VCF1: variants seen among roughly 807,000 people sequenced by gnomAD.
VCF1 encodes the protein VCP nuclear cofactor family member 1.
At chr17:73,230,215 G>C in the VCF1 span, among the ~76,000 whole-genome samples, 1 of 152,020 alleles carries the variant, frequency 6.6e-6, no homozygotes, top group Non-Finnish European at 1.5e-5. Flanking sequence ...AGGATCACCT[G>C]AGCCTGGGAG....
chr17:73,231,001 T>C, the VCF1 span, among the ~76,000 whole-genome samples: 3 of 152,344 alleles, frequency 2.0e-5, no homozygotes, highest in African/African-American at 7.2e-5. Flanking sequence ...TCAGATTCAC[T>C]GTATCTAAAG....
chr17:73,232,261 G>A, the VCF1 span: 121 of 1,609,542 alleles, frequency 7.5e-5, no homozygotes, highest in Non-Finnish European at 1.0e-4. Flanking sequence ...CCCTCAGTCG[G>A]ACCCGTACCA....
chr17:73,231,244 T>C, the VCF1 span, among the ~76,000 whole-genome samples: 39 of 152,346 alleles, frequency 2.6e-4, no homozygotes, highest in Admixed American at 2.4e-3. Context: ...AGAAGGATCC[T>C]TGTGGAAAGA....
At chr17:73,216,391 T>G in the VCF1 span, among the ~76,000 whole-genome samples, 1 of 150,734 alleles carries the variant, frequency 6.6e-6, no homozygotes, top group Non-Finnish European at 1.5e-5. Context: ...TTGAATAGAG[T>G]CAAGGAGGAA....
the VCF1 span, among the ~76,000 whole-genome samples, chr17:73,215,307 C>A: frequency 6.6e-6 from 1 of 152,130 alleles, no homozygotes; most frequent in Non-Finnish European, 1.5e-5. Context: ...TTTTTTGAAA[C>A]AAGGTCTTGC....
the VCF1 span, chr17:73,229,584 G>A: frequency 2.0e-6 from 2 of 985,254 alleles, no homozygotes; most frequent in South Asian, 4.7e-5. Context: ...TAAGAGTATG[G>A]GCTGGGCACG....
the VCF1 span, among the ~76,000 whole-genome samples, chr17:73,221,752 T>C: frequency 2.0e-5 from 3 of 152,088 alleles, no homozygotes; most frequent in East Asian, 1.9e-4. Flanking sequence ...ACTAGCCAGG[T>C]GGGCCGGGCG....
At chr17:73,222,035 C>CAAAAAA in the VCF1 span, among the ~76,000 whole-genome samples, 1 of 80,882 alleles carries the variant, frequency 1.2e-5, no homozygotes, top group Non-Finnish European at 2.1e-5. Flanking sequence ...GACTCTGTCT[C>CAAAAAA]AAAAAAAAAA....
the VCF1 span, among the ~76,000 whole-genome samples, chr17:73,225,900 T>TATAATATATATATATATATATA: frequency 3.9e-5 from 3 of 77,896 alleles, no homozygotes; most frequent in Non-Finnish European, 6.6e-5. Flanking sequence ...TATATATATA[T>TATAATATATATATATATATATA]TTTTTTTTTT....
the VCF1 span, among the ~76,000 whole-genome samples, chr17:73,222,056 A>AC: frequency 6.7e-6 from 1 of 149,612 alleles, no homozygotes; most frequent in African/African-American, 2.4e-5. Context: ...AAAAAAAAAA[A>AC]ACTAGCCAGG....
the VCF1 span, among the ~76,000 whole-genome samples, chr17:73,215,310 G>A: frequency 6.6e-6 from 1 of 152,142 alleles, no homozygotes; most frequent in Admixed American, 6.5e-5. Flanking sequence ...TTTGAAACAA[G>A]GTCTTGCTCT....
At chr17:73,219,996 A>C in the VCF1 span, among the ~76,000 whole-genome samples, 49 of 152,000 alleles carry the variant, frequency 3.2e-4, no homozygotes, top group East Asian at 2.7e-3. Flanking sequence ...AAAAAAAAAA[A>C]AACAAAACTT....
At chr17:73,222,857 T>C in the VCF1 span, among the ~76,000 whole-genome samples, 3 of 151,404 alleles carry the variant, frequency 2.0e-5, no homozygotes, top group Non-Finnish European at 2.9e-5. Context: ...TCGCAGAACC[T>C]CTGTTCTATC....
chr17:73,212,047 G>A, the VCF1 span, among the ~76,000 whole-genome samples: 1 of 152,076 alleles, frequency 6.6e-6, no homozygotes, highest in Non-Finnish European at 1.5e-5. Context: ...ATAAAGACTG[G>A]AAAGAAAGAA....
chr17:73,207,860 TC>T, the VCF1 span: 1 of 1,216,248 alleles, frequency 8.2e-7, no homozygotes, highest in African/African-American at 1.6e-5. Flanking sequence ...CTTTCCGTAT[TC>T]CCTACCATCG....
the VCF1 span, among the ~76,000 whole-genome samples, chr17:73,223,520 T>C: frequency 1.3e-5 from 2 of 152,184 alleles, no homozygotes; most frequent in African/African-American, 4.8e-5. Flanking sequence ...TGTGGCACAA[T>C]TTAATGGTTT....
the VCF1 span, among the ~76,000 whole-genome samples, chr17:73,228,875 AGCAGCTGCTG>A: frequency 7.5e-3 from 1,143 of 152,310 alleles, 13 homozygotes; most frequent in African/African-American, 0.026. Flanking sequence ...TTGAGTAAGT[AGCAGCTGCTG>A]GTCCTCACAC....
chr17:73,218,955 G>A, the VCF1 span, among the ~76,000 whole-genome samples: 4 of 152,078 alleles, frequency 2.6e-5, no homozygotes, highest in Non-Finnish European at 4.4e-5. Context: ...GGGAGGCGGA[G>A]CTTGCAGTGA....
At chr17:73,214,439 C>G in the VCF1 span, among the ~76,000 whole-genome samples, 2 of 151,948 alleles carry the variant, frequency 1.3e-5, no homozygotes, top group African/African-American at 4.8e-5. Flanking sequence ...TTCTATGGAA[C>G]AGGGTCAAAA....
Sources: gnomAD v4.1 joint callset for allele counts (sites outside exome capture counted in the v4.1 genomes callset) on GRCh38, gnomAD v4.1.1 for gene constraint, MANE v1.5 for transcripts, NCBI Gene and HGNC (gene_info 2026-07-23, HGNC 2026-07-21) for gene names.